Variants in DHX29 observed in about 807,000 individuals in gnomAD.
The protein encoded by DHX29 is ATP-dependent RNA helicase DHX29.
In DHX29, 79 loss-of-function variants were observed where a neutral mutation model predicts 167.9. The ratio of observed to expected loss-of-function variants is 0.47; its 90% CI spans 0.39 to 0.57. The LOEUF (loss-of-function observed/expected upper bound fraction) is 0.57. Ranked by LOEUF, DHX29 falls within the 20% of genes least tolerant of loss-of-function variation. The probability of loss-of-function intolerance (pLI) is 0.00; values close to 1 mark genes in which losing one functional copy is unlikely to be tolerated. For synonymous variants in DHX29, 530 were observed against 546.0 expected (o/e 0.97, Z 0.41); for missense variants, 1,347 against 1,593.4 (o/e 0.85, Z 2.63).
intron 16 of DHX29, 115 bp from the exon 17 acceptor site, chr5:55,273,492 AT>A: frequency 7.9e-7 from 1 of 1,259,252 alleles, no homozygotes; most frequent in East Asian, 2.7e-5. Flanking sequence ...CTATGAAAAA[AT>A]TTAAACATAC....
intron 13 of DHX29, 145 bp from the exon 14 acceptor site, chr5:55,276,551 G>T: frequency 1.6e-6 from 1 of 618,492 alleles, no homozygotes; most frequent in Non-Finnish European, 2.6e-6. Context: ...TATTATTTGG[G>T]AATGAAGACT....
Position 55,262,024 on chromosome 5 carries a change from C to A in DHX29, c.3829-525G>T, listed in dbSNP as rs907466733. 8.2e-4 allele frequency among the ~76,000 whole-genome samples: 125 copies of A among 152,190 alleles called. 1 individual carries two copies. The highest frequency in any genetic ancestry group is 2.9e-3 in the African/African-American group (120 of 41,540). The stretch of plus-strand genomic sequence containing the variant: ...GAAATATGTTTCAATTCTTTATGTT[C>A]CCTTTTCTTCTCATACTGCCTTAAA... On this transcript the variant is annotated intron_variant, in intron 24 of 26. Coordinates refer to ENST00000251636, the MANE Select transcript of DHX29 (RefSeq NM_019030.4).
At chr5:55,266,498 G>C (rs561776472) in intron 23 of DHX29, among the ~76,000 whole-genome samples, 4 of 151,054 alleles carry the variant, frequency 2.6e-5, no homozygotes, top group African/African-American at 9.7e-5. Context: ...TAGTAGAGAC[G>C]GGGTTTCTCC....
At chr5:55,286,847 C>T (rs1747756418) in intron 8 of DHX29, among the ~76,000 whole-genome samples, 1 of 152,184 alleles carries the variant, frequency 6.6e-6, no homozygotes, top group Admixed American at 6.5e-5. Context: ...TTGAATAGTG[C>T]TGCTTTCTTT....
At chr5:55,267,896 A>T in intron 21 of DHX29, 74 bp from the exon 22 acceptor site, 1 of 1,176,668 alleles carries the variant, frequency 8.5e-7, no homozygotes, top group Non-Finnish European at 1.1e-6. Flanking sequence ...TTATAAAAGA[A>T]AGCAAATCAT....
At chr5:55,289,179 C>T in intron 8 of DHX29, 91 bp downstream of exon 8, 1 of 1,358,160 alleles carries the variant, frequency 7.4e-7, no homozygotes, top group South Asian at 1.9e-5. Context: ...CGTACTTTGC[C>T]AGAATGCAAA....
At chr5:55,276,929 C>T (rs758835219) in intron 13 of DHX29, among the ~76,000 whole-genome samples, 177 bp downstream of exon 13, 3 of 152,160 alleles carry the variant, frequency 2.0e-5, no homozygotes, top group Non-Finnish European at 4.4e-5. Flanking sequence ...TCTCTCCTAT[C>T]CAGCCTCAGG....
Position 55,277,230 on chromosome 5 carries a change from A to T in DHX29, c.2162T>A (p.Ile721Asn). 6.3e-7 allele frequency: 1 copy of T among 1,579,478 alleles called. No homozygotes were observed. The highest frequency in any genetic ancestry group is 8.6e-7 in the Non-Finnish European group (1 of 1,160,952). ...SDFLLIILKE[I>N]LQKRSDLHLI... is the part of the protein sequence containing the mutation. Reference sequence around the variant, plus strand: ...GTGTAGATCAGAACGTTTCTGTAAAATTTCCTTCAAGATAATTAGTAGGAA... The same window carrying T: ...GTGTAGATCAGAACGTTTCTGTAAATTTTCCTTCAAGATAATTAGTAGGAA... Residue 721 changes from isoleucine to asparagine, a missense_variant, in exon 13 of 27, where the codon ATT becomes AAT. Ile to Asn is a moderately radical substitution (Grantham distance 149). Transcript: ENST00000251636.
At chr5:55,275,729 G>A (rs1473668738) in intron 14 of DHX29, among the ~76,000 whole-genome samples, 1 of 116,498 alleles carries the variant, frequency 8.6e-6, no homozygotes, top group African/African-American at 4.3e-5. Context: ...GCTTCACTAT[G>A]TATGTATGTA....
chr5:55,270,726 G>A lies in DHX29; in HGVS notation c.2865-20C>T. On this transcript the variant is annotated intron_variant, in intron 18 of 26. Coordinates refer to ENST00000251636, the MANE Select transcript of DHX29 (RefSeq NM_019030.4). The stretch of plus-strand genomic sequence containing the variant: ...TGGTACCTAAAGAAATGTTTTAGGA[G>A]AGAATATGTAGATAATTGACTTAAG... The A allele has an allele frequency of 6.3e-7, 1 of 1,593,646 alleles. No homozygotes were observed. Among genetic ancestry groups the A allele is most frequent in the Non-Finnish European group, 8.6e-7 (1 of 1,162,604 alleles).
intron 8 of DHX29, among the ~76,000 whole-genome samples, chr5:55,287,270 G>A (rs1352762428): frequency 5.9e-5 from 9 of 151,820 alleles, no homozygotes; most frequent in East Asian, 1.9e-4. Flanking sequence ...GTGAAACCCC[G>A]TCTCTACTAA....
At chr5:55,290,395 T>C (rs959609133) in intron 6 of DHX29, 51 bp from the exon 7 acceptor site, 1 of 1,542,682 alleles carries the variant, frequency 6.5e-7, no homozygotes, top group South Asian at 1.3e-5. Context: ...AGAGCAAGAT[T>C]AGTTTATCTA....
rs772157879 is a variant in DHX29 at position 55,272,183 on chromosome 5, TAAAC to T, written c.2776-12_2776-9del. ...ATTGGTTGCTAAAACAATCTGAAAA[TAAAC>T]AAAAAGCTTAAAACATTTAGACTAC... On this transcript the variant is annotated splice_polypyrimidine_tract_variant and intron_variant, in intron 17 of 26. Coordinates refer to ENST00000251636, the MANE Select transcript of DHX29 (RefSeq NM_019030.4). 5 of 1,533,672 alleles carry T rather than the reference TAAAC, an allele frequency of 3.3e-6. No individual in the cohort carries two copies. The East Asian group carries it at 7.1e-5, about 22-fold the overall frequency.
chr5:55,262,691 AC>A lies in DHX29; in HGVS notation c.3766del (p.Val1256TyrfsTer6). On this transcript the variant is annotated frameshift_variant, in exon 24 of 27. Coordinates refer to ENST00000251636, the MANE Select transcript of DHX29 (RefSeq NM_019030.4). LOFTEE classifies it high-confidence loss of function. ...ATCTCGATTTACTGAGGATGGGTGT[AC>A]TTGTGCTTTGCCTTGGGCCGTCTCC... ...IVETAQGKAQ[V>X]HPSSVNRDLQ... is the part of the protein sequence containing the mutation. 1 of 1,614,142 alleles carries A rather than the reference AC, an allele frequency of 6.2e-7. No individual in the cohort carries two copies.
At chr5:55,296,467 T>C in intron 3 of DHX29, 118 bp from the exon 4 acceptor site, 2 of 1,234,712 alleles carry the variant, frequency 1.6e-6, no homozygotes, top group Non-Finnish European at 2.1e-6. Context: ...CAAAACTATC[T>C]TTTTTTTCCC....
At chr5:55,282,381 T>C (rs1188117831) in intron 11 of DHX29, among the ~76,000 whole-genome samples, 1 of 152,198 alleles carries the variant, frequency 6.6e-6, no homozygotes. Flanking sequence ...TTCTTACTCC[T>C]TCAGTCATTC....
chr5:55,274,970 T>C lies in DHX29; in HGVS notation c.2468A>G (p.Asn823Ser). ...PVQTGAHADL[N>S]PFYQKYSSRT... ...GCTGCTGTACTTTTGGTAAAATGGA[T>C]TTAAATCAGCATGTGCTCCAGTCTG... Residue 823 changes from asparagine to serine, a missense_variant, in exon 15 of 27, where the codon AAT becomes AGT. By Grantham distance (46) the Asn-to-Ser change is conservative. Around this residue, in one of 3 missense-constraint regions of DHX29, gnomAD observed 882 missense variants for 1,082.4 expected, o/e 0.81. Transcript: ENST00000251636. The C allele has an allele frequency of 6.2e-7, 1 of 1,613,928 alleles. No homozygotes were observed. Among genetic ancestry groups the C allele is most frequent in the Non-Finnish European group, 8.5e-7 (1 of 1,179,934 alleles).
intron 12 of DHX29, among the ~76,000 whole-genome samples, chr5:55,280,112 G>C (rs79399533): frequency 1.0e-3 from 152 of 152,214 alleles, no homozygotes; most frequent in African/African-American, 3.6e-3. Flanking sequence ...CCTGTATAAT[G>C]TCATGGACTT....
At chr5:55,261,985 T>C (rs1383155919) in intron 24 of DHX29, among the ~76,000 whole-genome samples, 1 of 152,184 alleles carries the variant, frequency 6.6e-6, no homozygotes, top group African/African-American at 2.4e-5. Flanking sequence ...GAGGCACTTT[T>C]TGTAAAGGGA....
Sources: allele counts gnomAD v4.1 joint callset (sites outside exome capture counted in the v4.1 genomes callset), GRCh38; gene constraint gnomAD v4.1.1; regional missense constraint gnomAD v4.1.1; transcripts MANE v1.5; gene names NCBI Gene and HGNC (gene_info 2026-07-23, HGNC 2026-07-21).